The following SARAF variants were observed in gnomAD, a reference collection of about 807,000 sequenced individuals.
SARAF encodes store-operated calcium entry associated regulatory factor, also known as store-operated calcium entry-associated regulatory factor.
In SARAF, 23 loss-of-function variants were observed where a neutral mutation model predicts 39.7. That is an observed-to-expected ratio of 0.58 (90% CI 0.42 to 0.82). The LOEUF is 0.82. Among genes scored for constraint, SARAF ranks in the 40% least tolerant of loss-of-function variants. The pLI is 0.00. For missense variants in SARAF, 384 were observed against 418.5 expected, an observed-to-expected ratio of 0.92 and a Z score of 0.72; for synonymous variants, 175 against 168.5, an observed-to-expected ratio of 1.04 and a Z score of -0.30.
chr8:30,079,791 A>G (rs551705711), intron 1 of SARAF, among the ~76,000 whole-genome samples: 1 of 152,364 alleles, frequency 6.6e-6, no homozygotes, highest in South Asian at 2.1e-4. Flanking sequence ...GATAAATATT[A>G]CTGAAAGTTT....
At chr8:30,074,793 T>G (rs907052743) in intron 1 of SARAF, among the ~76,000 whole-genome samples, 3 of 152,200 alleles carry the variant, frequency 2.0e-5, no homozygotes, top group African/African-American at 7.2e-5. Context: ...GTAGCAAATA[T>G]GGCAAAATAT....
At chr8:30,081,262 C>T (rs902891338) in intron 1 of SARAF, among the ~76,000 whole-genome samples, 2 of 152,176 alleles carry the variant, frequency 1.3e-5, no homozygotes, top group Non-Finnish European at 2.9e-5. Context: ...AGTTTTACAG[C>T]GTAGATAAAC....
Position 30,065,250 on chromosome 8 carries a change from G to A in SARAF, c.994+738C>T, listed in dbSNP as rs535479255. Among the ~76,000 whole-genome samples the A allele has an allele frequency of 6.6e-5, 10 of 152,282 alleles. No individual in the cohort carries two copies. In the South Asian group the frequency reaches 1.7e-3, roughly 25 times the overall value. On this transcript the variant is annotated intron_variant, in intron 5 of 5. Coordinates refer to ENST00000256255, the MANE Select transcript of SARAF (RefSeq NM_016127.6). ...ACACAAGTGTATGCATTTCTGTGGC[G>A]ATATATCTGAGAGCAAAACTGCTCT...
At chr8:30,068,954 A>AT (rs1801759220) in intron 3 of SARAF, among the ~76,000 whole-genome samples, 1 of 152,078 alleles carries the variant, frequency 6.6e-6, no homozygotes, top group Non-Finnish European at 1.5e-5. Flanking sequence ...TCCTAAGGTC[A>AT]TAACAAATAT....
intron 5 of SARAF, among the ~76,000 whole-genome samples, chr8:30,064,546 TATATATA>T (rs1563349808): frequency 2.3e-4 from 11 of 46,866 alleles, no homozygotes; most frequent in Non-Finnish European, 4.1e-4. Flanking sequence ...TATATATATA[TATATATA>T]TATATATATT....
At chr8:30,077,700 G>A (rs1260328429) in intron 1 of SARAF, among the ~76,000 whole-genome samples, 1 of 151,860 alleles carries the variant, frequency 6.6e-6, no homozygotes, top group Non-Finnish European at 1.5e-5. Context: ...TACTCGGGGG[G>A]CTGAGGCAGG....
chr8:30,064,561 A>ATATATTTTTTTT (rs1423689069), intron 5 of SARAF, among the ~76,000 whole-genome samples: 1 of 46,222 alleles, frequency 2.2e-5, no homozygotes, highest in Non-Finnish European at 3.4e-5. Flanking sequence ...ATATATATAT[A>ATATATTTTTTTT]TTTTTTTTTT....
At chr8:30,082,430 T>A (rs1230572046) in intron 1 of SARAF, 5 of 162,002 alleles carry the variant, frequency 3.1e-5, no homozygotes, top group South Asian at 3.2e-4. Context: ...AGACTGCCAG[T>A]GGCAGGCAAC....
intron 5 of SARAF, among the ~76,000 whole-genome samples, chr8:30,065,190 G>A (rs1279828500): frequency 1.3e-5 from 2 of 152,074 alleles, no homozygotes; most frequent in African/African-American, 2.4e-5. Context: ...TTATGAATAG[G>A]GATGCTATGA....
At position 30,072,935 on chromosome 8, in the gene SARAF, T is replaced by C. The variant is rs557769940; in HGVS notation, c.282+942A>G. 5.3e-5 allele frequency among the ~76,000 whole-genome samples: 8 copies of C among 152,348 alleles called. No individual in the cohort carries two copies. The South Asian group carries it at 1.7e-3, about 32-fold the overall frequency. On this transcript the variant is annotated intron_variant, in intron 2 of 5. Coordinates refer to ENST00000256255, the MANE Select transcript of SARAF (RefSeq NM_016127.6). ...TCATTCTACCTTATTCATTTTTGTA[T>C]ATTGCAATTAATACATGCTTAATGA...
rs530500908 is a variant in SARAF, at chr8:30,073,920, A to T, written c.239T>A (p.Val80Asp). The T allele has an allele frequency of 6.2e-7, 1 of 1,614,156 alleles. No individual in the cohort carries two copies. Among genetic ancestry groups the T allele is most frequent in the African/African-American group, 1.3e-5 (1 of 75,018 alleles). Reference protein sequence around the residue: ...TAGCDSYTPKVIQCQNKGWDG... With the variant: ...TAGCDSYTPKDIQCQNKGWDG... ...CCAGCCTTTGTTCTGACACTGTATG[A>T]CTTTTGGGGTATAAGAATCACAACC... The change falls in exon 2 of 6, where the codon GTC becomes GAC. Residue 80 changes from valine to aspartate, a missense_variant. Transcript: ENST00000256255.
chr8:30,081,463 T>C (rs966037549), intron 1 of SARAF, among the ~76,000 whole-genome samples: 1 of 152,256 alleles, frequency 6.6e-6, no homozygotes, highest in Non-Finnish European at 1.5e-5. Flanking sequence ...CACAGCTTTC[T>C]AGAAATACAA....
intron 5 of SARAF, among the ~76,000 whole-genome samples, chr8:30,064,377 C>A (rs2117416674): frequency 6.6e-6 from 1 of 151,674 alleles, no homozygotes; most frequent in Middle Eastern, 3.4e-3. Flanking sequence ...ATCTTCCTAT[C>A]TAGAAAGTCT....
chr8:30,070,109 T>C, intron 2 of SARAF, 50 bp from the exon 3 acceptor site: 1 of 1,472,398 alleles, frequency 6.8e-7, no homozygotes. Flanking sequence ...TTTTTTTCAT[T>C]TAATATATGT....
At chr8:30,068,768 T>C (rs567634099) in intron 3 of SARAF, among the ~76,000 whole-genome samples, 7 of 152,302 alleles carry the variant, frequency 4.6e-5, no homozygotes, top group African/African-American at 1.4e-4. Flanking sequence ...ACATTTTATA[T>C]ATATATATGC....
intron 1 of SARAF, among the ~76,000 whole-genome samples, chr8:30,081,253 G>GT (rs1459696248): frequency 1.3e-5 from 2 of 152,174 alleles, no homozygotes; most frequent in Non-Finnish European, 2.9e-5. Flanking sequence ...CAGAACAATA[G>GT]TTTTACAGCG....
chr8:30,066,977 A>G, intron 3 of SARAF, 59 bp from the exon 4 acceptor site: 1 of 1,496,080 alleles, frequency 6.7e-7, no homozygotes, highest in Non-Finnish European at 9.2e-7. Context: ...CTACAAAAGC[A>G]AAGATAATGT....
At chr8:30,082,590 C>T (rs970420930) in intron 1 of SARAF, among the ~76,000 whole-genome samples, 1 of 152,192 alleles carries the variant, frequency 6.6e-6, no homozygotes, top group African/African-American at 2.4e-5. Context: ...TCCGGGAGTC[C>T]GGGGCAGGGA....
upstream of SARAF, chr8:30,083,086 C>T (rs551054556): frequency 3.4e-6 from 2 of 586,818 alleles, no homozygotes; most frequent in South Asian, 4.5e-5. Context: ...GAGCTGCAGC[C>T]GCAACGGATC....
Sources: gnomAD v4.1 joint callset for allele counts (sites outside exome capture counted in the v4.1 genomes callset) on GRCh38, gnomAD v4.1.1 for gene constraint, MANE v1.5 for transcripts, NCBI Gene and HGNC (gene_info 2026-07-23, HGNC 2026-07-21) for gene names.